Variants in RBM47 observed in about 807,000 individuals in gnomAD.
RBM47 encodes the protein RNA binding motif protein 47, also known as RNA-binding protein 47.
In RBM47, 21 loss-of-function variants were observed where a neutral mutation model predicts 47.1. That is an observed-to-expected ratio of 0.45 (90% CI 0.32 to 0.64). RBM47 has a LOEUF of 0.64. Ranked by LOEUF, RBM47 falls within the 30% of genes least tolerant of loss-of-function variation. The probability of loss-of-function intolerance (pLI) is 0.05; values close to 1 mark genes in which losing one functional copy is unlikely to be tolerated. For missense variants in RBM47, 708 were observed against 870.9 expected (o/e 0.81, Z 2.35); for synonymous variants, 375 against 361.7 (o/e 1.04, Z -0.42).
At chr4:40,456,571 C>CTTTTT (rs34320480) in intron 3 of RBM47, among the ~76,000 whole-genome samples, 1 of 112,578 alleles carries the variant, frequency 8.9e-6, no homozygotes, top group Non-Finnish European at 1.7e-5. Context: ...TTTCTTTTTT[C>CTTTTT]TTTTTTTTTT....
Position 40,438,057 on chromosome 4 carries a change from C to A in RBM47, c.837G>T (p.Lys279Asn). The A allele has an allele frequency of 6.2e-7, 1 of 1,613,870 alleles. No homozygotes were observed. The highest frequency in any genetic ancestry group is 8.5e-7 in the Non-Finnish European group (1 of 1,180,038). Residue 279 changes from lysine to asparagine, a missense_variant, in exon 4 of 7, where the codon AAG (lysine) becomes AAT (asparagine). Coordinates refer to ENST00000295971, the MANE Select transcript of RBM47 (RefSeq NM_001098634.2). ...AGTGCACGAAGGCGTAGTCGCGGAT[C>A]TTCTTGACGCGCTCCACGCAGCCGG... ...FNPGCVERVKKIRDYAFVHFT... is the reference protein window; with the variant it reads ...FNPGCVERVKNIRDYAFVHFT...
chr4:40,430,106 A>C (rs1715714014), intron 6 of RBM47, among the ~76,000 whole-genome samples: 1 of 152,114 alleles, frequency 6.6e-6, no homozygotes, highest in Admixed American at 6.5e-5. Flanking sequence ...GAGGCCGGAG[A>C]ATCGCCTGAA....
chr4:40,607,893 T>G (rs952075295), intron 1 of RBM47, among the ~76,000 whole-genome samples: 2 of 152,038 alleles, frequency 1.3e-5, no homozygotes, highest in Non-Finnish European at 2.9e-5. Context: ...TTGCCTGTGT[T>G]CAAGAGTTGA....
At chr4:40,431,482 C>T (rs1304473621) in intron 6 of RBM47, among the ~76,000 whole-genome samples, 2 of 152,018 alleles carry the variant, frequency 1.3e-5, no homozygotes, top group Admixed American at 6.5e-5. Flanking sequence ...CACGGTGAAA[C>T]CCCGTCTCTA....
Position 40,463,859 on chromosome 4 carries a change from A to G in RBM47, c.-32+2718T>C, listed in dbSNP as rs557900411. ...TAAAATCTTCCTAAATTGGTAATAC[A>G]GTTTTTACATGTGCCCTGTGAAACG... On this transcript the variant is annotated intron_variant, in intron 3 of 6. Coordinates refer to ENST00000295971, the MANE Select transcript of RBM47 (RefSeq NM_001098634.2). 8.5e-5 allele frequency among the ~76,000 whole-genome samples: 13 copies of G among 152,238 alleles called. No homozygotes were observed. In the South Asian group the frequency reaches 2.7e-3, roughly 32 times the overall value.
chr4:40,460,214 G>GTTTTTTTTTTTTTT (rs5857730), intron 3 of RBM47, among the ~76,000 whole-genome samples: 1 of 143,184 alleles, frequency 7.0e-6, no homozygotes. Context: ...TTCCATCACT[G>GTTTTTTTTTTTTTT]TTTTTTTTTT....
At chr4:40,555,706 C>G (rs1261080149) in intron 1 of RBM47, among the ~76,000 whole-genome samples, 1 of 152,232 alleles carries the variant, frequency 6.6e-6, no homozygotes, top group African/African-American at 2.4e-5. Context: ...CTGCGGCCGC[C>G]ACATCATCCT....
chr4:40,478,198 A>T (rs1205879758), intron 2 of RBM47, among the ~76,000 whole-genome samples: 1 of 151,872 alleles, frequency 6.6e-6, no homozygotes, highest in Non-Finnish European at 1.5e-5. Context: ...TATTTTTAGT[A>T]GAGACGGGGT....
At chr4:40,595,387 G>A (rs1006998537) in intron 1 of RBM47, among the ~76,000 whole-genome samples, 11 of 152,180 alleles carry the variant, frequency 7.2e-5, no homozygotes, top group South Asian at 4.1e-4. Context: ...CCAGCTACTC[G>A]GGAGGCTGAG....
At chr4:40,457,429 A>AC (rs1716448634) in intron 3 of RBM47, among the ~76,000 whole-genome samples, 1 of 151,660 alleles carries the variant, frequency 6.6e-6, no homozygotes, top group African/African-American at 2.4e-5. Flanking sequence ...TCTCAAAAAA[A>AC]AAAAAAAAAC....
At chr4:40,534,487 A>T (rs1373898020) in intron 2 of RBM47, among the ~76,000 whole-genome samples, 3 of 152,150 alleles carry the variant, frequency 2.0e-5, no homozygotes, top group Admixed American at 6.6e-5. Context: ...CCGTATAGCT[A>T]AAATTCAGGG....
At chr4:40,594,104 T>A (rs1734536390) in intron 1 of RBM47, among the ~76,000 whole-genome samples, 1 of 151,980 alleles carries the variant, frequency 6.6e-6, no homozygotes, top group Non-Finnish European at 1.5e-5. Flanking sequence ...CATTTTTCTC[T>A]TCTCTACCCC....
chr4:40,588,596 G>A (rs1246485030), intron 1 of RBM47, among the ~76,000 whole-genome samples: 1 of 152,184 alleles, frequency 6.6e-6, no homozygotes, highest in Admixed American at 6.6e-5. Context: ...TATGGTGGTA[G>A]CTAGACTTCG....
chr4:40,530,697 A>G (rs1727305848), intron 2 of RBM47, among the ~76,000 whole-genome samples: 1 of 152,242 alleles, frequency 6.6e-6, no homozygotes, highest in African/African-American at 2.4e-5. Flanking sequence ...TATAATCTGG[A>G]TGAAAAATAT....
At chr4:40,588,141 A>T (rs1268814164) in intron 1 of RBM47, among the ~76,000 whole-genome samples, 1 of 152,218 alleles carries the variant, frequency 6.6e-6, no homozygotes, top group Non-Finnish European at 1.5e-5. Context: ...AATAAAGGAT[A>T]CGCAGTAAAT....
intron 3 of RBM47, among the ~76,000 whole-genome samples, chr4:40,448,930 G>A (rs1468825422): frequency 6.6e-6 from 1 of 152,136 alleles, no homozygotes. Flanking sequence ...AGGAGGGGGT[G>A]GGGTAGGAAA....
chr4:40,460,306 C>A (rs546550390), intron 3 of RBM47, among the ~76,000 whole-genome samples: 2 of 151,730 alleles, frequency 1.3e-5, no homozygotes, highest in African/African-American at 4.8e-5. Flanking sequence ...TTTTATGCCA[C>A]AAGGAAATAG....
intron 1 of RBM47, among the ~76,000 whole-genome samples, chr4:40,574,215 G>A (rs897531496): frequency 1.3e-5 from 2 of 152,136 alleles, no homozygotes; most frequent in African/African-American, 4.8e-5. Flanking sequence ...TCCTCCTAAA[G>A]TTTTACATAA....
intron 1 of RBM47, among the ~76,000 whole-genome samples, chr4:40,547,471 C>A (rs2154263278): frequency 6.6e-6 from 1 of 152,340 alleles, no homozygotes; most frequent in Admixed American, 6.5e-5. Flanking sequence ...GGTAAACAAA[C>A]CCTGCTGTCA....
Sources: gnomAD v4.1 joint callset for allele counts (sites outside exome capture counted in the v4.1 genomes callset) on GRCh38, gnomAD v4.1.1 for gene constraint, MANE v1.5 for transcripts, NCBI Gene and HGNC (gene_info 2026-07-23, HGNC 2026-07-21) for gene names.